Variants in KCNK2 observed in about 807,000 individuals in gnomAD.
KCNK2 encodes the protein potassium two pore domain channel subfamily K member 2.
In KCNK2, 21 loss-of-function variants were observed where a neutral mutation model predicts 40.5. The ratio of observed to expected loss-of-function variants is 0.52; its 90% CI spans 0.37 to 0.75. The LOEUF (loss-of-function observed/expected upper bound fraction) is 0.75. Among genes scored for constraint, KCNK2 ranks in the 30% least tolerant of loss-of-function variants. The pLI, the probability that KCNK2 is intolerant of heterozygous loss-of-function variation, is 0.00. For synonymous variants in KCNK2, 191 were observed against 202.2 expected (o/e 0.94, Z 0.47); for missense variants, 399 against 531.6 (o/e 0.75, Z 2.45).
chr1:215,208,809 C>T (rs1571730079), intron 6 of KCNK2, among the ~76,000 whole-genome samples: 1 of 151,804 alleles, frequency 6.6e-6, no homozygotes, highest in East Asian at 1.9e-4. Context: ...TCAGTGGCCC[C>T]TTCAATTTCC....
At chr1:215,140,863 T>C (rs1346301579) in intron 3 of KCNK2, among the ~76,000 whole-genome samples, 1 of 152,216 alleles carries the variant, frequency 6.6e-6, no homozygotes, top group Non-Finnish European at 1.5e-5. Context: ...TGTTTTACTT[T>C]ATAAACTTTT....
intron 5 of KCNK2, among the ~76,000 whole-genome samples, chr1:215,191,422 T>C (rs1213701804): frequency 6.6e-6 from 1 of 152,140 alleles, no homozygotes; most frequent in Non-Finnish European, 1.5e-5. Flanking sequence ...CCAGCAAATG[T>C]TTAGGAAACC....
chr1:215,110,925 A>C (rs1195130142), intron 2 of KCNK2, among the ~76,000 whole-genome samples: 2 of 152,148 alleles, frequency 1.3e-5, no homozygotes, highest in East Asian at 3.9e-4. Flanking sequence ...TTTGGATAAC[A>C]TACAATGTCA....
At chr1:215,209,460 T>TTA (rs1163047907) in intron 6 of KCNK2, among the ~76,000 whole-genome samples, 3 of 4,282 alleles carry the variant, frequency 7.0e-4, no homozygotes, top group African/African-American at 1.2e-3. Context: ...ATATTATATA[T>TTA]TATATATAAT....
chr1:215,230,577 C>T (rs1184085692), intron 6 of KCNK2, among the ~76,000 whole-genome samples: 2 of 29,932 alleles, frequency 6.7e-5, no homozygotes, highest in Admixed American at 4.4e-4. Flanking sequence ...TATATATATA[C>T]AAGACCGTAA....
At chr1:215,171,177 A>G (rs1487885575) in intron 4 of KCNK2, among the ~76,000 whole-genome samples, 1 of 152,180 alleles carries the variant, frequency 6.6e-6, no homozygotes, top group Non-Finnish European at 1.5e-5. Context: ...TATGGTAACT[A>G]GCCTCGAATA....
intron 3 of KCNK2, among the ~76,000 whole-genome samples, chr1:215,164,123 C>T (rs1286849262): frequency 2.6e-5 from 4 of 152,054 alleles, no homozygotes; most frequent in East Asian, 1.9e-4. Context: ...TTCAGGGATT[C>T]GATTTTTTCC....
At chr1:215,137,138 T>C (rs1661958478) in intron 3 of KCNK2, among the ~76,000 whole-genome samples, 1 of 152,216 alleles carries the variant, frequency 6.6e-6, no homozygotes, top group Non-Finnish European at 1.5e-5. Context: ...CATAGGTTTT[T>C]GGCAGAGATT....
At chr1:215,018,300 G>A (rs748038942) in intron 1 of KCNK2, among the ~76,000 whole-genome samples, 4 of 152,112 alleles carry the variant, frequency 2.6e-5, no homozygotes, top group Non-Finnish European at 5.9e-5. Flanking sequence ...AGAAATGCAT[G>A]GGTCCAAGTG....
rs531231826 is a variant in KCNK2, at chr1:215,169,401, A to AT, written c.636+49dup. ...TTTAACTACGTATATTTATTGTTTGATTTTTTTAAAAAATTATATCTTTTC... is the reference window on the plus strand; with the variant it reads ...TTTAACTACGTATATTTATTGTTTGATTTTTTTTAAAAAATTATATCTTTTC... On this transcript the variant is annotated intron_variant, in intron 4 of 6. Transcript: ENST00000444842. The AT allele has an allele frequency of 1.5e-4, 222 of 1,455,662 alleles. 1 individual carries two copies. The African/African-American group carries it at 2.7e-3, about 18-fold the overall frequency. 90.2% of individuals were successfully genotyped at this position (1,455,662 alleles called of 1,614,324 possible).
chr1:215,130,390 A>G (rs1383528844), intron 3 of KCNK2, among the ~76,000 whole-genome samples: 3 of 152,160 alleles, frequency 2.0e-5, no homozygotes, highest in Non-Finnish European at 4.4e-5. Context: ...CCTAAATTAT[A>G]TCCTTTATGA....
At chr1:215,021,536 T>TC (rs1656786396) in intron 1 of KCNK2, among the ~76,000 whole-genome samples, 1 of 92,784 alleles carries the variant, frequency 1.1e-5, no homozygotes, top group Non-Finnish European at 2.0e-5. Flanking sequence ...GGGACAACCA[T>TC]CTTTTTTTTT....
At chr1:215,160,589 C>T (rs1389253639) in intron 3 of KCNK2, among the ~76,000 whole-genome samples, 1 of 152,146 alleles carries the variant, frequency 6.6e-6, no homozygotes, top group African/African-American at 2.4e-5. Context: ...TCTTATTCAA[C>T]CTTTCAAAAA....
chr1:215,233,080 A>G (rs1476479615), intron 6 of KCNK2, among the ~76,000 whole-genome samples: 1 of 152,206 alleles, frequency 6.6e-6, no homozygotes, highest in East Asian at 1.9e-4. Context: ...ATCTAAGTAT[A>G]GTTGGACAGG....
rs1174229366 is a variant in KCNK2, at chr1:215,083,081, G to C, written c.-305G>C. Reference sequence around the variant, plus strand: ...CGCGCTCTCCGGGTGACCCGGGCCCGGCAGCAGGCGCGCGCGGGGGCGGCG... The same window carrying C: ...CGCGCTCTCCGGGTGACCCGGGCCCCGCAGCAGGCGCGCGCGGGGGCGGCG... On this transcript the variant is annotated 5_prime_UTR_variant, in exon 1 of 7. Transcript: ENST00000444842. The C allele has an allele frequency of 1.0e-5, 4 of 399,770 alleles. No individual in the cohort carries two copies. Among genetic ancestry groups the C allele is most frequent in the South Asian group, 9.1e-5 (2 of 22,010 alleles). The allele number at this position is 399,770 out of a possible 1,614,324, so 24.8% of individuals were successfully genotyped here. A position where few individuals can be genotyped will look rare whatever the true frequency, so the allele number is the denominator to read the frequency against.
At chr1:215,230,540 T>C (rs1330860701) in intron 6 of KCNK2, among the ~76,000 whole-genome samples, 1 of 94,178 alleles carries the variant, frequency 1.1e-5, no homozygotes, top group African/African-American at 4.2e-5. Flanking sequence ...TATGTATATA[T>C]ATACACACAC....
chr1:215,052,437 GA>G (rs1658023556), intron 1 of KCNK2, among the ~76,000 whole-genome samples: 1 of 152,208 alleles, frequency 6.6e-6, no homozygotes, highest in Non-Finnish European at 1.5e-5. Context: ...TCACATGATG[GA>G]TTTTGTGGGA....
intron 1 of KCNK2, among the ~76,000 whole-genome samples, chr1:215,007,037 A>ATATG (rs1330420661): frequency 6.0e-4 from 31 of 51,592 alleles, no homozygotes; most frequent in African/African-American, 1.1e-3. Context: ...ATATATATAT[A>ATATG]TGTGTGTGTG....
At chr1:215,156,534 G>T (rs1662935329) in intron 3 of KCNK2, among the ~76,000 whole-genome samples, 1 of 152,120 alleles carries the variant, frequency 6.6e-6, no homozygotes, top group Admixed American at 6.5e-5. Context: ...TGGGGAAAAA[G>T]ATCTAAATTA....
Sources: allele counts gnomAD v4.1 joint callset (sites outside exome capture counted in the v4.1 genomes callset), GRCh38; gene constraint gnomAD v4.1.1; transcripts MANE v1.5; gene names NCBI Gene and HGNC (gene_info 2026-07-23, HGNC 2026-07-21).